Variants in S100A12 observed in about 807,000 individuals in gnomAD.
S100A12 encodes protein S100-A12.
Under a neutral mutation model 4.0 loss-of-function variants are expected in S100A12, and 3 were observed. The ratio of observed to expected loss-of-function variants is 0.75; its 90% CI spans 0.34 to 1.94. S100A12 has a LOEUF of 1.94. Ranked by LOEUF, S100A12 falls within the 30% of genes most tolerant of loss-of-function variation. S100A12 has a pLI of 0.07. For synonymous variants in S100A12, 50 were observed against 41.4 expected (o/e 1.21, Z -0.79); for missense variants, 122 against 107.0 (o/e 1.14, Z -0.62).
Position 153,373,928 on chromosome 1 carries a change from C to T in S100A12, c.178G>A (p.Gly60Ser). ...DKAVIDEIFQGLDANQDEQVD... is the reference protein window; with the variant it reads ...DKAVIDEIFQSLDANQDEQVD... ...TGTTCATCTTGATTAGCATCCAGGC[C>T]TTGGAATATTTCATCAATGACAGCT... The change falls in exon 3 of 3, where the codon GGC (glycine) becomes AGC (serine). Residue 60 changes from glycine (G) to serine (S), a missense_variant. Coordinates refer to ENST00000368737, the MANE Select transcript of S100A12 (RefSeq NM_005621.2). 1 of 1,613,366 alleles carries T rather than the reference C, an allele frequency of 6.2e-7. No individual in the cohort carries two copies. Among genetic ancestry groups the T allele is most frequent in the Non-Finnish European group, 8.5e-7 (1 of 1,179,326 alleles).
chr1:153,374,984 G>A lies in S100A12; in HGVS notation c.-20-372C>T, dbSNP rs3014883. 2.0e-5 allele frequency among the ~76,000 whole-genome samples: 3 copies of A among 152,286 alleles called. No homozygotes were observed. In the East Asian group the frequency reaches 5.8e-4, roughly 29 times the overall value. ...TATGGCCACATATCCCCCACAAATG[G>A]TCCATAACCCACCCCTGCTTAGCCA... On this transcript the variant is annotated intron_variant, in intron 1 of 2. Coordinates refer to ENST00000368737, the MANE Select transcript of S100A12 (RefSeq NM_005621.2).
At chr1:153,374,383 C>A in intron 2 of S100A12, 72 bp downstream of exon 2, 1 of 1,490,828 alleles carries the variant, frequency 6.7e-7, no homozygotes, top group Non-Finnish European at 9.1e-7. Flanking sequence ...TCCCACCATC[C>A]TCTGCCAGGC....
rs552843294 is a variant in S100A12 at position 153,373,952 on chromosome 1, C to A, written c.154G>T (p.Ala52Ser). 3.1e-6 allele frequency: 5 copies of A among 1,613,658 alleles called. No homozygotes were observed. The highest frequency in any genetic ancestry group is 4.5e-5 in the East Asian group (2 of 44,876). Reference protein sequence around the residue: ...ANTIKNIKDKAVIDEIFQGLD... With the variant: ...ANTIKNIKDKSVIDEIFQGLD... ...CCTTGGAATATTTCATCAATGACAG[C>A]TTTATCTTTGATATTCTAGGAAAAA... Residue 52 changes from alanine to serine, a missense_variant, in exon 3 of 3, where the codon GCT becomes TCT. Coordinates refer to ENST00000368737, the MANE Select transcript of S100A12 (RefSeq NM_005621.2).
Position 153,374,603 on chromosome 1 carries a change from T to C in S100A12, c.-11A>G, listed in dbSNP as rs1043629049. ...TTCAAGTTTTGTCATCTTCCCAGCC[T>C]AATGTTAACCTTCAAGGAAACAAGG... On this transcript the variant is annotated 5_prime_UTR_variant, in exon 2 of 3. Transcript: ENST00000368737. The C allele has an allele frequency of 1.2e-6, 2 of 1,611,870 alleles. No individual in the cohort carries two copies. The highest frequency in any genetic ancestry group is 2.7e-5 in the African/African-American group (2 of 74,880).
At position 153,373,795 on chromosome 1, in the gene S100A12, C is replaced by T; in HGVS notation, c.*32G>A. The T allele has an allele frequency of 6.3e-7, 1 of 1,599,370 alleles. No homozygotes were observed. The highest frequency in any genetic ancestry group is 8.6e-7 in the Non-Finnish European group (1 of 1,167,082). On this transcript the variant is annotated 3_prime_UTR_variant, in exon 3 of 3. Transcript: ENST00000368737. ...GGAAAGAAAAGACCCTCATTGAGGA[C>T]ATTGCTGGGTAAAAAGCCTTCAGAG...
At chr1:153,374,107 G>A in intron 2 of S100A12, 140 bp from the exon 3 acceptor site, 1 of 843,628 alleles carries the variant, frequency 1.2e-6, no homozygotes, top group South Asian at 1.4e-5. Flanking sequence ...GGAGAATCCA[G>A]TGTAACAAAA....
chr1:153,374,457 T>G lies in S100A12; in HGVS notation c.136A>C (p.Lys46Gln), dbSNP rs754567527. 1.2e-6 allele frequency: 2 copies of G among 1,612,736 alleles called. No homozygotes were observed. The highest frequency in any genetic ancestry group is 2.7e-5 in the African/African-American group (2 of 74,850). Residue 46 changes from lysine (K) to glutamine (Q), a missense_variant and splice_region_variant, in exon 2 of 3, where the codon AAG becomes CAG. By Grantham distance (53) the Lys-to-Gln change is moderately conservative (BLOSUM62 1). Transcript: ENST00000368737. Reference protein sequence around the residue: ...LLTKELANTIKNIKDKAVIDE... With the variant: ...LLTKELANTIQNIKDKAVIDE... ...GCAGTGAGAGGGGCATCACCTACCT[T>G]GATGGTGTTTGCAAGCTCCTTTGTA...
intron 1 of S100A12, among the ~76,000 whole-genome samples, chr1:153,375,091 G>A (rs906681584): frequency 6.6e-6 from 1 of 152,168 alleles, no homozygotes; most frequent in African/African-American, 2.4e-5. Context: ...CTGCCGCCCA[G>A]GCTGGAGTGC....
Position 153,374,541 on chromosome 1 carries a change from A to G in S100A12, c.52T>C (p.Tyr18His), listed in dbSNP as rs753698363. 15 of 1,613,584 alleles carry G rather than the reference A, an allele frequency of 9.3e-6. No individual in the cohort carries two copies. The highest frequency in any genetic ancestry group is 1.1e-5 in the Non-Finnish European group (13 of 1,179,592). ...LEGIVNIFHQYSVRKGHFDTL... is the reference protein window; with the variant it reads ...LEGIVNIFHQHSVRKGHFDTL... ...TCAAAATGCCCCTTCCGAACTGAGT[A>G]TTGGTGGAAGATATTGACAATTCCC... is the stretch of plus-strand genomic sequence containing the variant. The change falls in exon 2 of 3, where the codon TAC (tyrosine) becomes CAC (histidine). Residue 18 changes from tyrosine (Y) to histidine (H), a missense_variant. Physicochemically the swap from Tyr to His is moderately conservative, Grantham distance 83. Coordinates refer to ENST00000368737, the MANE Select transcript of S100A12 (RefSeq NM_005621.2).
At chr1:153,375,388 CACA>C (rs903537501) in intron 1 of S100A12, among the ~76,000 whole-genome samples, 161 bp downstream of exon 1, 6 of 152,200 alleles carry the variant, frequency 3.9e-5, no homozygotes, top group Admixed American at 1.3e-4. Flanking sequence ...GTCTACATAG[CACA>C]ACAAGAGCTG....
chr1:153,373,823 C>A lies in S100A12; in HGVS notation c.*4G>T. 6.2e-7 allele frequency: 1 copy of A among 1,613,206 alleles called. No homozygotes were observed. The highest frequency in any genetic ancestry group is 1.3e-5 in the African/African-American group (1 of 75,014). On this transcript the variant is annotated 3_prime_UTR_variant, in exon 3 of 3. Transcript: ENST00000368737. ...TGCTGGGTAAAAAGCCTTCAGAGAG[C>A]TACCTACTCTTTGTGGGTGTGGTAA...
rs770305792 is a variant in S100A12, at chr1:153,374,060, G to T, written c.139-93C>A. ...TATCCCTCAGAGCTCGGGTTGTGAAGGCCCAGGCACATTAACTCATTAGCC... is the reference window on the plus strand; with the variant it reads ...TATCCCTCAGAGCTCGGGTTGTGAATGCCCAGGCACATTAACTCATTAGCC... On this transcript the variant is annotated intron_variant, in intron 2 of 2. Transcript: ENST00000368737. 5 of 1,176,096 alleles carry T rather than the reference G, an allele frequency of 4.3e-6. No homozygotes were observed. In the South Asian group the frequency reaches 6.1e-5, roughly 14 times the overall value. 72.9% of individuals were successfully genotyped at this position (1,176,096 alleles called of 1,614,324 possible). A position where few individuals can be genotyped will look rare whatever the true frequency, so the allele number is the denominator to read the frequency against.
chr1:153,374,513 G>T lies in S100A12; in HGVS notation c.80C>A (p.Thr27Asn). 3.1e-6 allele frequency: 5 copies of T among 1,613,950 alleles called. No homozygotes were observed. Among genetic ancestry groups the T allele is most frequent in the Non-Finnish European group, 4.2e-6 (5 of 1,179,812 alleles). ...QYSVRKGHFD[T>N]LSKGELKQLL... Reference sequence around the variant, plus strand: ...CTGCTTCAGCTCACCCTTAGAGAGGGTGTCAAAATGCCCCTTCCGAACTGA... The same window carrying T: ...CTGCTTCAGCTCACCCTTAGAGAGGTTGTCAAAATGCCCCTTCCGAACTGA... The change falls in exon 2 of 3, where the codon ACC becomes AAC. Residue 27 changes from threonine (T) to asparagine (N), a missense_variant. Physicochemically the swap from Thr to Asn is moderately conservative, Grantham distance 65. Transcript: ENST00000368737.
At position 153,374,447 on chromosome 1, in the gene S100A12, T is replaced by A; in HGVS notation, c.138+8A>T. 1.9e-6 allele frequency: 3 copies of A among 1,610,936 alleles called. No individual in the cohort carries two copies. Among genetic ancestry groups the A allele is most frequent in the African/African-American group, 2.7e-5 (2 of 74,962 alleles). The stretch of plus-strand genomic sequence containing the variant: ...GGGCAAGTTTGCAGTGAGAGGGGCA[T>A]CACCTACCTTGATGGTGTTTGCAAG... On this transcript the variant is annotated splice_region_variant and intron_variant, in intron 2 of 2. Coordinates refer to ENST00000368737, the MANE Select transcript of S100A12 (RefSeq NM_005621.2).
intron 1 of S100A12, among the ~76,000 whole-genome samples, chr1:153,375,299 C>T (rs560136583): frequency 4.6e-5 from 7 of 152,276 alleles, no homozygotes; most frequent in Non-Finnish European, 7.4e-5. Flanking sequence ...CCGCCCGCCT[C>T]GGCCTCCCAA....
At position 153,374,716 on chromosome 1, in the gene S100A12, C is replaced by T. The variant is rs919366808; in HGVS notation, c.-20-104G>A. On this transcript the variant is annotated intron_variant, in intron 1 of 2. Coordinates refer to ENST00000368737, the MANE Select transcript of S100A12 (RefSeq NM_005621.2). ...AAGGGCCTAAAGAAAACATAACATC[C>T]TCCATATCTATTTTGTGGTCTCTGC... 10 of 746,694 alleles carry T rather than the reference C, an allele frequency of 1.3e-5. No homozygotes were observed. The Middle Eastern group carries it at 1.5e-3, about 113-fold the overall frequency. 46.3% of individuals were successfully genotyped at this position (746,694 alleles called of 1,614,324 possible). A position where few individuals can be genotyped will look rare whatever the true frequency, so the allele number is the denominator to read the frequency against.
chr1:153,375,009 A>G (rs182972282), intron 1 of S100A12, among the ~76,000 whole-genome samples: 67 of 152,114 alleles, frequency 4.4e-4, no homozygotes, highest in African/African-American at 1.6e-3. Context: ...CTGCTTAGCC[A>G]TTCTTTTTTT....
rs1261136176 is a variant in S100A12, at chr1:153,374,554, A to T, written c.39T>A (p.Asn13Lys). 1.2e-6 allele frequency: 2 copies of T among 1,613,914 alleles called. No individual in the cohort carries two copies. Among genetic ancestry groups the T allele is most frequent in the Non-Finnish European group, 8.5e-7 (1 of 1,179,770 alleles). Residue 13 changes from asparagine (N) to lysine (K), a missense_variant, in exon 2 of 3, where the codon AAT becomes AAA. Transcript: ENST00000368737. ...TCCGAACTGAGTATTGGTGGAAGAT[A>T]TTGACAATTCCCTCCAGATGCTCTT... ...KLEEHLEGIV[N>K]IFHQYSVRKG... is the part of the protein sequence containing the mutation.
In S100A12 at chr1:153,374,611, A is replaced by G. The variant is rs1322031404; in HGVS notation, c.-19T>C. The stretch of plus-strand genomic sequence containing the variant: ...TTGTCATCTTCCCAGCCTAATGTTA[A>G]CCTTCAAGGAAACAAGGGAAGTCTA... On this transcript the variant is annotated splice_region_variant and 5_prime_UTR_variant, in exon 2 of 3. Coordinates refer to ENST00000368737, the MANE Select transcript of S100A12 (RefSeq NM_005621.2). The G allele has an allele frequency of 6.2e-7, 1 of 1,608,568 alleles. No homozygotes were observed.
Sources: allele counts gnomAD v4.1 joint callset (sites outside exome capture counted in the v4.1 genomes callset), GRCh38; gene constraint gnomAD v4.1.1; transcripts MANE v1.5; gene names NCBI Gene and HGNC (gene_info 2026-07-23, HGNC 2026-07-21).